IPO8: variants seen among roughly 807,000 people sequenced by gnomAD.
The protein encoded by IPO8 is importin-8.
In IPO8, 65 loss-of-function variants were observed where a neutral mutation model predicts 141.2. The observed-to-expected ratio is 0.46, with a 90% CI of 0.38 to 0.57. The LOEUF is 0.57. Among genes scored for constraint, IPO8 ranks in the 20% least tolerant of loss-of-function variants. The probability of loss-of-function intolerance (pLI) is 0.00; values close to 1 mark genes in which losing one functional copy is unlikely to be tolerated. For synonymous variants in IPO8, 411 were observed against 420.3 expected, an observed-to-expected ratio of 0.98 and a Z score of 0.27; for missense variants, 980 against 1,246.8, an observed-to-expected ratio of 0.79 and a Z score of 3.22.
At chr12:30,655,637 T>A (rs2052788996) in intron 17 of IPO8, among the ~76,000 whole-genome samples, 1 of 152,234 alleles carries the variant, frequency 6.6e-6, no homozygotes, top group African/African-American at 2.4e-5. Flanking sequence ...TCACTTAGCA[T>A]AATGTACTCC....
chr12:30,671,641 T>C (rs2053051863), intron 8 of IPO8, among the ~76,000 whole-genome samples: 1 of 122,314 alleles, frequency 8.2e-6, no homozygotes, highest in Non-Finnish European at 1.6e-5. Flanking sequence ...GCCACTGCAC[T>C]CCAGCCCTGG....
chr12:30,690,876 A>G (rs913387784), intron 1 of IPO8, among the ~76,000 whole-genome samples: 1 of 152,192 alleles, frequency 6.6e-6, no homozygotes. Flanking sequence ...GGTAGTGTCC[A>G]TCTATCTAAT....
rs2052514108 is a variant in IPO8 at position 30,637,142 on chromosome 12, CA to C, written c.2534del (p.Leu845TrpfsTer10). 1.2e-6 allele frequency: 2 copies of C among 1,613,580 alleles called. No individual in the cohort carries two copies. The highest frequency in any genetic ancestry group is 1.7e-6 in the Non-Finnish European group (2 of 1,179,870). ...CTGCAGGAGGTCGATTTTGCAATTC[CA>C]AAAGGATACTCAGTCCTATTATACA... Reference protein sequence around the residue: ...KMCIIGLSILLELQNRPPAVD... With the variant: ...KMCIIGLSILXELQNRPPAVD... On this transcript the variant is annotated frameshift_variant, in exon 22 of 25. Coordinates refer to ENST00000256079, the MANE Select transcript of IPO8 (RefSeq NM_006390.4). LOFTEE classifies it high-confidence loss of function.
rs1382939538 is a variant in IPO8, at chr12:30,630,564, T to C, written c.*296A>G. 1 of 347,366 alleles carries C rather than the reference T, an allele frequency of 2.9e-6. No individual in the cohort carries two copies. Among genetic ancestry groups the C allele is most frequent in the East Asian group, 5.1e-5 (1 of 19,720 alleles). 21.5% of individuals were successfully genotyped at this position (347,366 alleles called of 1,614,324 possible). On this transcript the variant is annotated 3_prime_UTR_variant, in exon 25 of 25. Transcript: ENST00000256079. ...CAAAAACCTGAGACGTGCAAGTCTATCCAATCCTCTAAAACAACCTTGGGC... is the reference window on the plus strand; with the variant it reads ...CAAAAACCTGAGACGTGCAAGTCTACCCAATCCTCTAAAACAACCTTGGGC...
At chr12:30,647,013 C>A (rs1464661586) in intron 20 of IPO8, among the ~76,000 whole-genome samples, 1 of 152,156 alleles carries the variant, frequency 6.6e-6, no homozygotes, top group Non-Finnish European at 1.5e-5. Flanking sequence ...CCAAAACAAT[C>A]TCACAAAAGA....
At chr12:30,660,542 C>A (rs1467196717) in intron 16 of IPO8, among the ~76,000 whole-genome samples, 1 of 152,214 alleles carries the variant, frequency 6.6e-6, no homozygotes, top group Non-Finnish European at 1.5e-5. Flanking sequence ...CTACCATTAC[C>A]TGTGCTAGCT....
intron 20 of IPO8, among the ~76,000 whole-genome samples, chr12:30,647,026 G>A (rs1565496183): frequency 6.6e-6 from 1 of 152,108 alleles, no homozygotes; most frequent in African/African-American, 2.4e-5. Context: ...ACAAAAGAAT[G>A]CAGTTACAGG....
chr12:30,631,082 G>A, intron 24 of IPO8, 125 bp from the exon 25 acceptor site: 1 of 648,016 alleles, frequency 1.5e-6, no homozygotes, highest in Non-Finnish European at 2.6e-6. Flanking sequence ...GTGACTGGTA[G>A]TATTAGTTAT....
chr12:30,660,929 T>TATA (rs370459943), intron 16 of IPO8, among the ~76,000 whole-genome samples: 80,612 of 149,592 alleles, frequency 0.54, 22,575 homozygotes, highest in African/African-American at 0.66. Flanking sequence ...TTTATAATAT[T>TATA]TACATTATAA....
Position 30,674,747 on chromosome 12 carries a change from G to C in IPO8, c.736C>G (p.Leu246Val). Residue 246 changes from leucine (L) to valine (V), a missense_variant, in exon 7 of 25, where the codon CTG (leucine) becomes GTG (valine). By Grantham distance (32) the Leu-to-Val change is conservative. Transcript: ENST00000256079. The part of the protein sequence containing the change: ...IIDRTVPPET[L>V]HIDEDDRPEL... ...GGTCTATCATCCTCATCAATGTGCA[G>C]AGTCTCCTAACAGGACAAAATTACC... is the stretch of plus-strand genomic sequence containing the variant. The C allele has an allele frequency of 6.2e-7, 1 of 1,610,580 alleles. No individual in the cohort carries two copies. Among genetic ancestry groups the C allele is most frequent in the Non-Finnish European group, 8.5e-7 (1 of 1,176,958 alleles).
intron 8 of IPO8, among the ~76,000 whole-genome samples, chr12:30,672,353 A>C (rs1055029168): frequency 6.6e-6 from 1 of 152,176 alleles, no homozygotes; most frequent in Non-Finnish European, 1.5e-5. Context: ...TCTGTGATGC[A>C]AGCTAGAAAT....
chr12:30,635,219 TTTTTGTTTTG>T (rs143796510), intron 22 of IPO8, among the ~76,000 whole-genome samples: 4,453 of 151,996 alleles, frequency 0.029, 202 homozygotes, highest in African/African-American at 0.1. Flanking sequence ...AAGAATTAGG[TTTTTGTTTTG>T]TTTTGTTTTG....
intron 5 of IPO8, chr12:30,677,164 C>G (rs1268763291): frequency 2.7e-5 from 30 of 1,131,000 alleles, no homozygotes; most frequent in Non-Finnish European, 3.7e-5. Context: ...GAAGCTTACA[C>G]TCTAACTGGA....
Position 30,671,075 on chromosome 12 carries a change from G to C in IPO8, c.931C>G (p.Gln311Glu), listed in dbSNP as rs2053041847. The C allele has an allele frequency of 3.8e-6, 6 of 1,599,274 alleles. No homozygotes were observed. Among genetic ancestry groups the C allele is most frequent in the Non-Finnish European group, 5.1e-6 (6 of 1,167,240 alleles). ...IQQVLLKILD[Q>E]YRQKEYVAPR... ...GCTACATATTCTTTCTGTCTATATT[G>C]ATCTAAAATTTTTAGTAGCACCTAT... Residue 311 changes from glutamine (Q) to glutamate (E), a missense_variant, in exon 9 of 25, where the codon CAA becomes GAA. Physicochemically the swap from Gln to Glu is conservative, Grantham distance 29. Around this residue, in one of 3 missense-constraint regions of IPO8, gnomAD observed 924 missense variants for 1,153.9 expected, o/e 0.80. Coordinates refer to ENST00000256079, the MANE Select transcript of IPO8 (RefSeq NM_006390.4).
rs752880141 is a variant in IPO8, at chr12:30,676,491, T to C, written c.729+7A>G. 3.3e-5 allele frequency: 53 copies of C among 1,606,514 alleles called. No homozygotes were observed. Among genetic ancestry groups the C allele is most frequent in the South Asian group, 1.9e-4 (17 of 90,794 alleles). On this transcript the variant is annotated splice_region_variant and intron_variant, in intron 6 of 24. Transcript: ENST00000256079. ...CCCTATTTTTCTTGGGAAAAGCTTT[T>C]TCTTACAGGAGGAACGGTCCTGTCG...
In IPO8 at chr12:30,657,866, T is replaced by C. The variant is rs118016454; in HGVS notation, c.1882-1116A>G. Among the ~76,000 whole-genome samples the C allele has an allele frequency of 1.2e-3, 184 of 152,198 alleles. 1 individual carries two copies. Among genetic ancestry groups the C allele is most frequent in the Non-Finnish European group, 2.3e-3 (155 of 67,992 alleles). On this transcript the variant is annotated intron_variant, in intron 16 of 24. Transcript: ENST00000256079. The stretch of plus-strand genomic sequence containing the variant: ...ACACATTCACTTTTTGCTTATATGT[T>C]AATAGAAAAATCTCTAGAAGGACCC...
intron 20 of IPO8, among the ~76,000 whole-genome samples, chr12:30,644,344 C>G (rs1185705439): frequency 6.7e-6 from 1 of 149,752 alleles, no homozygotes; most frequent in Non-Finnish European, 1.5e-5. Context: ...GCACTCCAGC[C>G]TAGGCAAAAG....
chr12:30,649,319 C>T (rs1205081159), intron 19 of IPO8, 87 bp from the exon 20 acceptor site: 16 of 887,248 alleles, frequency 1.8e-5, no homozygotes, highest in Non-Finnish European at 2.3e-5. Flanking sequence ...CATATAAATT[C>T]AGCCATAGGA....
rs1274222311 is a variant in IPO8, at chr12:30,684,349, A to T, written c.275T>A (p.Ile92Lys). 6.2e-7 allele frequency: 1 copy of T among 1,614,074 alleles called. No individual in the cohort carries two copies. Among genetic ancestry groups the T allele is most frequent in the Non-Finnish European group, 8.5e-7 (1 of 1,180,014 alleles). The change falls in exon 3 of 25, where the codon ATA (isoleucine) becomes AAA (lysine). Residue 92 changes from isoleucine to lysine, a missense_variant. Around this residue, in one of 3 missense-constraint regions of IPO8, gnomAD observed 924 missense variants for 1,153.9 expected, o/e 0.80. Transcript: ENST00000256079. Reference protein sequence around the residue: ...FNIHENDRQQIRDNIVEGIIR... With the variant: ...FNIHENDRQQKRDNIVEGIIR... ...TATTCCTTCCACAATGTTATCACGT[A>T]TTTGCTGGCGATCGTTTTCGTGAAT...
Sources: allele counts gnomAD v4.1 joint callset (sites outside exome capture counted in the v4.1 genomes callset), GRCh38; gene constraint gnomAD v4.1.1; regional missense constraint gnomAD v4.1.1; transcripts MANE v1.5; gene names NCBI Gene and HGNC (gene_info 2026-07-23, HGNC 2026-07-21).